Variants in ABCC9 observed in about 807,000 individuals in gnomAD.
ABCC9 encodes the protein ATP-binding cassette sub-family C member 9.
A neutral mutation model predicts 188.3 loss-of-function variants in ABCC9; 95 were observed. The observed-to-expected ratio is 0.50, with a 90% CI of 0.43 to 0.60. The LOEUF is 0.60. Among genes scored for constraint, ABCC9 ranks in the 20% least tolerant of loss-of-function variants. The pLI, the probability that ABCC9 is intolerant of heterozygous loss-of-function variation, is 0.00. For synonymous variants in ABCC9, 659 were observed against 652.7 expected, an observed-to-expected ratio of 1.01 and a Z score of -0.15; for missense variants, 1,102 against 1,876.3, an observed-to-expected ratio of 0.59 and a Z score of 7.62.
chr12:21,917,163 T>A, intron 5 of ABCC9, 60 bp from the exon 6 acceptor site: 1 of 1,523,868 alleles, frequency 6.6e-7, no homozygotes, highest in Non-Finnish European at 9.1e-7. Context: ...CACTAGCATT[T>A]GAATGTAATT....
At chr12:21,884,696 C>T (rs1281821641) in intron 15 of ABCC9, among the ~76,000 whole-genome samples, 1 of 152,084 alleles carries the variant, frequency 6.6e-6, no homozygotes, top group Non-Finnish European at 1.5e-5. Context: ...CAAATAAATA[C>T]ACAAATTAAA....
At position 21,828,939 on chromosome 12, in the gene ABCC9, A is replaced by AC. The variant is rs772963564; in HGVS notation, c.3669+18_3669+19insG. On this transcript the variant is annotated intron_variant, in intron 31 of 39. Transcript: ENST00000261200. ...CTTCTCTATTTGGTTTCCATTTCGA[A>AC]ATCATGAAATGAACGTACCGTCCTG... is the stretch of plus-strand genomic sequence containing the variant. 6.3e-7 allele frequency: 1 copy of AC among 1,599,258 alleles called. No individual in the cohort carries two copies. Among genetic ancestry groups the AC allele is most frequent in the Non-Finnish European group, 8.6e-7 (1 of 1,166,500 alleles).
rs1216993124 is a variant in ABCC9, at chr12:21,798,597, C to T, written c.*2447G>A. On this transcript the variant is annotated 3_prime_UTR_variant, in exon 40 of 40. Transcript: ENST00000261200. Reference sequence around the variant, plus strand: ...CAGATGAGTAGGTTGCGAAAATTTTCTCCCATGTTGTAGGTTGCCTGTTCA... The same window carrying T: ...CAGATGAGTAGGTTGCGAAAATTTTTTCCCATGTTGTAGGTTGCCTGTTCA... The T allele has an allele frequency of 6.6e-6, 1 of 151,118 alleles. No homozygotes were observed. The highest frequency in any genetic ancestry group is 2.4e-5 in the African/African-American group (1 of 40,982). 9.4% of individuals were successfully genotyped at this position (151,118 alleles called of 1,614,324 possible).
At chr12:21,933,362 C>T (rs558696130) in intron 4 of ABCC9, among the ~76,000 whole-genome samples, 2 of 152,074 alleles carry the variant, frequency 1.3e-5, no homozygotes, top group South Asian at 4.2e-4. Context: ...CGCACTTGTA[C>T]CCCTGAACTT....
chr12:21,893,980 A>G, intron 14 of ABCC9, 52 bp downstream of exon 14: 2 of 1,581,902 alleles, frequency 1.3e-6, no homozygotes, highest in Non-Finnish European at 1.7e-6. Flanking sequence ...CTATTAGCAC[A>G]CGTCATTTCT....
chr12:21,824,351 G>A (rs960470856), intron 31 of ABCC9, among the ~76,000 whole-genome samples: 1 of 152,086 alleles, frequency 6.6e-6, no homozygotes, highest in Non-Finnish European at 1.5e-5. Flanking sequence ...CGACTTGATC[G>A]TGGTGGATAA....
In ABCC9 at chr12:21,842,323, A is replaced by G. The variant is rs1308858284; in HGVS notation, c.3464T>C (p.Val1155Ala). ...ATGCTGTTTTACTTACTTAGAGGCA[A>G]CCCGAAAGTATTTCTGGATAAAATA... The part of the protein sequence containing the change: ...AFYFIQKYFR[V>A]ASKDLQELDD... The change falls in exon 29 of 40, where the codon GTT becomes GCT. Residue 1155 changes from valine (V) to alanine (A), a missense_variant. By Grantham distance (64) the Val-to-Ala change is moderately conservative. Transcript: ENST00000261200. The G allele has an allele frequency of 1.9e-6, 3 of 1,613,824 alleles. No homozygotes were observed. Among genetic ancestry groups the G allele is most frequent in the Non-Finnish European group, 2.5e-6 (3 of 1,179,862 alleles).
chr12:21,917,801 T>C (rs1249337003), intron 5 of ABCC9, among the ~76,000 whole-genome samples: 1 of 152,142 alleles, frequency 6.6e-6, no homozygotes, highest in Non-Finnish European at 1.5e-5. Flanking sequence ...CTAGAAATAT[T>C]TTGGCAAGGA....
In ABCC9 at chr12:21,906,274, C is replaced by T; in HGVS notation, c.1470G>A (p.Glu490=). Residue 490 remains glutamate, a synonymous_variant, in exon 12 of 40, where the codon GAG becomes GAA. Transcript: ENST00000261200. ...ATATTTCATTTGTTTTCTTGAGTCT[C>T]TCAGTGGAATAATCCTATAAAACAA... The part of the protein sequence containing the change: ...AQKSTLDYST[E]RLKKTNEILK... 2.5e-6 allele frequency: 4 copies of T among 1,610,658 alleles called. No individual in the cohort carries two copies. Among genetic ancestry groups the T allele is most frequent in the Non-Finnish European group, 3.4e-6 (4 of 1,177,960 alleles).
At chr12:21,911,066 T>C in intron 8 of ABCC9, 88 bp from the exon 9 acceptor site, 1 of 1,251,648 alleles carries the variant, frequency 8.0e-7, no homozygotes, top group Non-Finnish European at 1.1e-6. Context: ...AGATACATAA[T>C]ATTTAAATAC....
Position 21,805,233 on chromosome 12 carries a change from G to A in ABCC9, c.4512+765C>T, listed in dbSNP as rs142875103. 43 of 1,613,664 alleles carry A rather than the reference G, an allele frequency of 2.7e-5. No individual in the cohort carries two copies. In the African/African-American group the frequency reaches 4.9e-4, roughly 19 times the overall value. Reference sequence around the variant, plus strand: ...CCATTCTTGTGGGCGAGCAAATTTGGGACAGTATCACACTCCACTAAAATA... The same window carrying A: ...CCATTCTTGTGGGCGAGCAAATTTGAGACAGTATCACACTCCACTAAAATA... On this transcript the variant is annotated intron_variant, in intron 39 of 39. Transcript: ENST00000261200.
intron 21 of ABCC9, among the ~76,000 whole-genome samples, chr12:21,860,416 C>T (rs118106736): frequency 0.023 from 3,456 of 152,260 alleles, 51 homozygotes; most frequent in Non-Finnish European, 0.035. Flanking sequence ...ACGATAACAC[C>T]CATAACACAG....
intron 5 of ABCC9, among the ~76,000 whole-genome samples, chr12:21,919,146 T>TA (rs1290948999): frequency 6.6e-6 from 1 of 151,236 alleles, no homozygotes; most frequent in Non-Finnish European, 1.5e-5. Context: ...CAGGAAAGAA[T>TA]AAAAAAGGAT....
At chr12:21,829,797 C>T (rs1943651743) in intron 30 of ABCC9, among the ~76,000 whole-genome samples, 1 of 152,114 alleles carries the variant, frequency 6.6e-6, no homozygotes, top group Non-Finnish European at 1.5e-5. Context: ...TTCCAAACAA[C>T]ACAGTTAGAG....
chr12:21,826,668 G>T (rs1156596783), intron 31 of ABCC9, among the ~76,000 whole-genome samples: 7 of 152,120 alleles, frequency 4.6e-5, no homozygotes, highest in African/African-American at 1.7e-4. Flanking sequence ...GTCTAGAGGG[G>T]TGTGCATGTG....
chr12:21,900,656 G>A (rs1051485828), intron 12 of ABCC9, among the ~76,000 whole-genome samples: 1 of 152,180 alleles, frequency 6.6e-6, no homozygotes, highest in African/African-American at 2.4e-5. Context: ...AGAACTACAT[G>A]ACGCATGCAC....
intron 34 of ABCC9, 51 bp from the exon 35 acceptor site, chr12:21,814,773 A>G (rs1465340257): frequency 3.8e-5 from 56 of 1,478,112 alleles, no homozygotes; most frequent in Non-Finnish European, 5.0e-5. Context: ...AAAGGACAGA[A>G]GATTAGCTTA....
chr12:21,861,608 A>G (rs1274795946), intron 20 of ABCC9, among the ~76,000 whole-genome samples: 1 of 152,152 alleles, frequency 6.6e-6, no homozygotes, highest in Admixed American at 6.6e-5. Flanking sequence ...TTACCTTGTT[A>G]GGTATTATAG....
chr12:21,812,316 A>G (rs1039975273), intron 35 of ABCC9, among the ~76,000 whole-genome samples, 159 bp from the exon 36 acceptor site: 1 of 152,204 alleles, frequency 6.6e-6, no homozygotes, highest in Non-Finnish European at 1.5e-5. Flanking sequence ...CTAGAACTAG[A>G]AACACCGTTT....
Sources: gnomAD v4.1 joint callset for allele counts (sites outside exome capture counted in the v4.1 genomes callset) on GRCh38, gnomAD v4.1.1 for gene constraint, MANE v1.5 for transcripts, NCBI Gene and HGNC (gene_info 2026-07-23, HGNC 2026-07-21) for gene names.